The following KLC3 variants were observed in gnomAD, a reference collection of about 807,000 sequenced individuals.
KLC3 encodes the protein kinesin light chain 2.
Under a neutral mutation model 62.9 loss-of-function variants are expected in KLC3, and 72 were observed. The observed-to-expected ratio is 1.15, with a 90% confidence interval of 0.95 to 1.39. The LOEUF (loss-of-function observed/expected upper bound fraction) is 1.39. Ranked by LOEUF, KLC3 falls within the 40% of genes most tolerant of loss-of-function variation. KLC3 has a pLI of 0.00. For synonymous variants in KLC3, 377 were observed against 300.5 expected, an observed-to-expected ratio of 1.25 and a Z score of -2.63; for missense variants, 848 against 691.6, an observed-to-expected ratio of 1.23 and a Z score of -2.54.
At chr19:45,349,698 G>GGGTGGA in intron 8 of KLC3, 96 bp downstream of exon 8, 5 of 872,626 alleles carry the variant, frequency 5.7e-6, no homozygotes, top group Non-Finnish European at 6.6e-6. Context: ...CGTGAGGGTG[G>GGGTGGA]GGGGGGGCCC....
chr19:45,351,243 G>C, intron 12 of KLC3, 43 bp from the exon 13 acceptor site: 1 of 1,571,250 alleles, frequency 6.4e-7, no homozygotes, highest in Non-Finnish European at 8.6e-7. Context: ...TGTAACACTT[G>C]CCCCTCACCT....
chr19:45,350,284 G>A (rs577254263), intron 8 of KLC3, 57 bp from the exon 9 acceptor site: 29 of 1,328,286 alleles, frequency 2.2e-5, no homozygotes, highest in Middle Eastern at 1.9e-4. Context: ...AGGCGGGACT[G>A]GATGCAGTGT....
chr19:45,348,875 G>T lies in KLC3; in HGVS notation c.923G>T (p.Arg308Leu). The T allele has an allele frequency of 6.3e-7, 1 of 1,588,076 alleles. No individual in the cohort carries two copies. The highest frequency in any genetic ancestry group is 2.3e-5 in the East Asian group (1 of 43,904). The change falls in exon 7 of 13, where the codon CGG becomes CTG. Residue 308 changes from arginine to leucine, a missense_variant. Arg to Leu is a moderately radical substitution (Grantham distance 102). Coordinates refer to ENST00000391946, the MANE Select transcript of KLC3 (RefSeq NM_177417.3). The part of the protein sequence containing the change: ...AVLYGKRGRY[R>L]EAEPLCQRAL... ...CTCTATGGGAAGCGTGGGCGTTACC[G>T]GGAGGCAGAGCCCCTGTGCCAGCGC...
rs759395897 is a variant in KLC3, at chr19:45,350,926, C to T, written c.1380-28C>T. 5.0e-6 allele frequency: 8 copies of T among 1,610,972 alleles called. No individual in the cohort carries two copies. The South Asian group carries it at 7.7e-5, about 15-fold the overall frequency. ...GAGGGGGGCCACTCCTGGATTCACT[C>T]ATTTCCTCCCTGCTGCCCTCTTTGC... On this transcript the variant is annotated intron_variant, in intron 11 of 12. Coordinates refer to ENST00000391946, the MANE Select transcript of KLC3 (RefSeq NM_177417.3).
rs1971534941 is a variant in KLC3 at position 45,347,609 on chromosome 19, A to C, written c.559+93A>C. 5 of 1,210,162 alleles carry C rather than the reference A, an allele frequency of 4.1e-6. No homozygotes were observed. In the South Asian group the frequency reaches 5.6e-5, roughly 14 times the overall value. 75.0% of individuals were successfully genotyped at this position (1,210,162 alleles called of 1,614,324 possible). Reference sequence around the variant, plus strand: ...GACCCCAAAATCTCTGAGCCAGGGGATGGGGAGGTGAGGGCAGGGTGAGGA... The same window carrying C: ...GACCCCAAAATCTCTGAGCCAGGGGCTGGGGAGGTGAGGGCAGGGTGAGGA... On this transcript the variant is annotated intron_variant, in intron 4 of 12. Transcript: ENST00000391946.
At position 45,345,155 on chromosome 19, in the gene KLC3, G is replaced by A. The variant is rs1971462834; in HGVS notation, c.-8-379G>A. 3 of 405,882 alleles carry A rather than the reference G, an allele frequency of 7.4e-6. No homozygotes were observed. The East Asian group carries it at 1.3e-4, about 18-fold the overall frequency. The allele number at this position is 405,882 out of a possible 1,614,324, so 25.1% of individuals were successfully genotyped here. A position where few individuals can be genotyped will look rare whatever the true frequency, so the allele number is the denominator to read the frequency against. ...GTCACACGGCCAACCGGGAGCTCTG[G>A]GCCAGGGGATCCAAGGGCCTTGGGG... On this transcript the variant is annotated intron_variant, in intron 1 of 12. Transcript: ENST00000391946.
intron 5 of KLC3, 135 bp from the exon 6 acceptor site, chr19:45,348,500 GGGCCCACAAAA>G (rs1971567180): frequency 2.7e-6 from 2 of 747,664 alleles, no homozygotes; most frequent in African/African-American, 1.8e-5. Context: ...AAATATGGAG[GGGCCCACAAAA>G]GGCCCTCAAA....
chr19:45,347,236 G>T (rs186311178), intron 3 of KLC3: 1 of 529,350 alleles, frequency 1.9e-6, no homozygotes, highest in African/African-American at 2.0e-5. Flanking sequence ...CAGCTACTCC[G>T]GAAGCTGAGG....
At chr19:45,342,460 A>T (rs1458610113) in intron 1 of KLC3, among the ~76,000 whole-genome samples, 1 of 152,026 alleles carries the variant, frequency 6.6e-6, no homozygotes, top group Non-Finnish European at 1.5e-5. Flanking sequence ...TTAGTTTTTT[A>T]AAAATTAAAA....
intron 11 of KLC3, 67 bp downstream of exon 11, chr19:45,350,814 C>CCCCCAT (rs1020132810): frequency 9.6e-6 from 13 of 1,348,956 alleles, no homozygotes; most frequent in Non-Finnish European, 1.2e-5. Context: ...CCCACCCCCA[C>CCCCCAT]CCCCATCTTG....
At chr19:45,346,022 T>G (rs1971482909) in intron 2 of KLC3, among the ~76,000 whole-genome samples, 1 of 151,908 alleles carries the variant, frequency 6.6e-6, no homozygotes, top group African/African-American at 2.4e-5. Flanking sequence ...AAAAAGTAGC[T>G]GGGCATGAGG....
chr19:45,346,618 G>A lies in KLC3; in HGVS notation c.333G>A (p.Arg111=), dbSNP rs368638929. The A allele has an allele frequency of 1.3e-4, 200 of 1,551,232 alleles. No homozygotes were observed. The highest frequency in any genetic ancestry group is 1.6e-4 in the Non-Finnish European group (182 of 1,147,564). ...EKQRLRSQAR[R]LAQENVWLRE... ...AGCGGCTGCGCTCGCAGGCCCGGCG[G>A]CTGGCCCAGGAGAACGTGTGGCTGC... is the stretch of plus-strand genomic sequence containing the variant. The change falls in exon 3 of 13, where the codon CGG becomes CGA. Residue 111 remains arginine (R), a synonymous_variant. Coordinates refer to ENST00000391946, the MANE Select transcript of KLC3 (RefSeq NM_177417.3).
chr19:45,349,683 A>C, intron 8 of KLC3, 81 bp downstream of exon 8: 1 of 819,754 alleles, frequency 1.2e-6, no homozygotes, highest in Non-Finnish European at 1.7e-6. Context: ...ATACAGGGTG[A>C]GCAACGTGAG....
rs796775886 is a variant in KLC3, at chr19:45,348,351, T to G, written c.779+191T>G. 5.9e-5 allele frequency among the ~76,000 whole-genome samples: 9 copies of G among 151,676 alleles called. 1 individual carries two copies. Among genetic ancestry groups the G allele is most frequent in the African/African-American group, 2.2e-4 (9 of 41,424 alleles). The stretch of plus-strand genomic sequence containing the variant: ...GCAAAGAGGGAGTGGGACAGGGATC[T>G]GGGGGGGCCACTGAGCCAGGCAGAG... On this transcript the variant is annotated intron_variant, in intron 5 of 12. Transcript: ENST00000391946.
chr19:45,341,160 G>A (rs936745709), intron 1 of KLC3, among the ~76,000 whole-genome samples: 1 of 151,300 alleles, frequency 6.6e-6, no homozygotes, highest in Non-Finnish European at 1.5e-5. Flanking sequence ...GCTGGGCCAC[G>A]ATGGGAGTCT....
At chr19:45,347,808 G>A in intron 4 of KLC3, 133 bp from the exon 5 acceptor site, 2 of 761,970 alleles carry the variant, frequency 2.6e-6, no homozygotes, top group Non-Finnish European at 4.3e-6. Flanking sequence ...TCCTATCTCA[G>A]AAGTTAGCGT....
intron 1 of KLC3, among the ~76,000 whole-genome samples, chr19:45,342,381 A>ATCC (rs770642343): frequency 2.6e-5 from 4 of 151,990 alleles, no homozygotes; most frequent in Non-Finnish European, 5.9e-5. Context: ...GAACCCAGGA[A>ATCC]TCCTAGACTA....
chr19:45,345,923 T>G (rs1334438826), intron 2 of KLC3, 124 bp downstream of exon 2: 4 of 1,149,360 alleles, frequency 3.5e-6, no homozygotes, highest in Non-Finnish European at 4.8e-6. Context: ...GGGCACACTT[T>G]GGGAGGCTGA....
Position 45,345,729 on chromosome 19 carries a change from T to A in KLC3, c.188T>A (p.Met63Lys). 6.4e-7 allele frequency: 1 copy of A among 1,560,786 alleles called. No individual in the cohort carries two copies. Among genetic ancestry groups the A allele is most frequent in the East Asian group, 2.4e-5 (1 of 42,034 alleles). Residue 63 changes from methionine (M) to lysine (K), a missense_variant, in exon 2 of 13, where the codon ATG becomes AAG. Met to Lys is a moderately conservative substitution (Grantham distance 95). Transcript: ENST00000391946. ...AGQGPAAGLE[M>K]LEEKQQVVSH... ...CAGGGCCCGGCAGCCGGCTTGGAGATGCTGGAGGAAAAGCAGCAGGTGGTG... is the reference window on the plus strand; with the variant it reads ...CAGGGCCCGGCAGCCGGCTTGGAGAAGCTGGAGGAAAAGCAGCAGGTGGTG...
Sources: gnomAD v4.1 joint callset for allele counts (sites outside exome capture counted in the v4.1 genomes callset) on GRCh38, gnomAD v4.1.1 for gene constraint, MANE v1.5 for transcripts, NCBI Gene and HGNC (gene_info 2026-07-23, HGNC 2026-07-21) for gene names.